The following RCBTB1 variants were observed in gnomAD, a reference collection of about 807,000 sequenced individuals.
RCBTB1 encodes the protein RCC1 and BTB domain containing protein 1, also known as RCC1 and BTB domain-containing protein 1.
Under a neutral mutation model 62.4 loss-of-function variants are expected in RCBTB1, and 46 were observed. The ratio of observed to expected loss-of-function variants is 0.74; its 90% CI spans 0.58 to 0.94. The LOEUF (loss-of-function observed/expected upper bound fraction) is 0.94, where lower values mean the gene tolerates loss of function less well. Among genes scored for constraint, RCBTB1 ranks in the 40% least tolerant of loss-of-function variants. The pLI, the probability that RCBTB1 is intolerant of heterozygous loss-of-function variation, is 0.00. For synonymous variants in RCBTB1, 222 were observed against 245.8 expected (o/e 0.90, Z 0.91); for missense variants, 565 against 654.9 (o/e 0.86, Z 1.50).
rs1959697094 is a variant in RCBTB1 at position 49,533,386 on chromosome 13, T to C, written c.*736A>G. 6.6e-6 allele frequency: 1 copy of C among 152,204 alleles called. No homozygotes were observed. The highest frequency in any genetic ancestry group is 2.4e-5 in the African/African-American group (1 of 41,454). The allele number at this position is 152,204 out of a possible 1,614,324, so 9.4% of individuals were successfully genotyped here. A position where few individuals can be genotyped will look rare whatever the true frequency, so the allele number is the denominator to read the frequency against. ...GTAGTGGAGATTCTAATTTATAAAA[T>C]ATTCACCTTCATCAAATTTCTTTCA... On this transcript the variant is annotated 3_prime_UTR_variant, in exon 13 of 13. Transcript: ENST00000378302.
intron 2 of RCBTB1, among the ~76,000 whole-genome samples, chr13:49,578,954 T>C (rs887245613): frequency 2.6e-5 from 4 of 152,344 alleles, no homozygotes; most frequent in Admixed American, 2.6e-4. Context: ...AACTTTGGTA[T>C]ACAACATTAC....
chr13:49,540,647 T>G (rs1484249144), intron 12 of RCBTB1, among the ~76,000 whole-genome samples: 1 of 152,242 alleles, frequency 6.6e-6, no homozygotes, highest in South Asian at 2.1e-4. Flanking sequence ...TGCTAGGACC[T>G]TGGTTCGTTT....
At chr13:49,572,529 C>A (rs1423471006) in intron 2 of RCBTB1, among the ~76,000 whole-genome samples, 2 of 151,978 alleles carry the variant, frequency 1.3e-5, no homozygotes, top group Admixed American at 1.3e-4. Context: ...AGGCTGGGCA[C>A]GGTGGCTGAC....
chr13:49,559,621 ACTC>A (rs1566244860), intron 5 of RCBTB1, among the ~76,000 whole-genome samples: 1 of 142,196 alleles, frequency 7.0e-6, no homozygotes, highest in Non-Finnish European at 1.5e-5. Flanking sequence ...GTGCCACTGT[ACTC>A]CAGCCTGGGC....
chr13:49,557,047 G>T (rs1459837281), intron 5 of RCBTB1, among the ~76,000 whole-genome samples: 2 of 152,158 alleles, frequency 1.3e-5, no homozygotes, highest in Admixed American at 6.5e-5. Context: ...AGGCCTGTGT[G>T]CTATGCCTGG....
At position 49,549,479 on chromosome 13, in the gene RCBTB1, A is replaced by T; in HGVS notation, c.1024T>A (p.Ser342Thr). 1.9e-6 allele frequency: 3 copies of T among 1,611,566 alleles called. No homozygotes were observed. Among genetic ancestry groups the T allele is most frequent in the Non-Finnish European group, 2.5e-6 (3 of 1,178,072 alleles). Residue 342 changes from serine (S) to threonine (T), a missense_variant, in exon 9 of 13, where the codon TCG (serine) becomes ACG (threonine). Ser to Thr is a moderately conservative substitution (Grantham distance 58, BLOSUM62 1). Transcript: ENST00000378302. ...TTACCCACAGACAGGAGGCGCCACG[A>T]GACGGCGGGAGTGGCAAAGCAGGCA... ...VFACFATPAV[S>T]WRLLSVEHED...
At position 49,584,662 on chromosome 13, in the gene RCBTB1, C is replaced by CA. The variant is rs560388822; in HGVS notation, c.-122+781dup. Among the ~76,000 whole-genome samples the CA allele has an allele frequency of 3.1e-4, 47 of 152,066 alleles. No individual in the cohort carries two copies. In the East Asian group the frequency reaches 6.6e-3, roughly 21 times the overall value. ...GTCCTCTAAGGGCTTTTAGTCCTCC[C>CA]AAAAAAAGAATAGGGCAAAAGCAAG... is the stretch of plus-strand genomic sequence containing the variant. On this transcript the variant is annotated intron_variant, in intron 1 of 12. Transcript: ENST00000378302.
At chr13:49,564,554 C>T (rs1284504380) in intron 4 of RCBTB1, among the ~76,000 whole-genome samples, 1 of 133,478 alleles carries the variant, frequency 7.5e-6, no homozygotes, top group Non-Finnish European at 1.5e-5. Context: ...CACTGCACTC[C>T]AGCCTGGAGA....
Position 49,556,300 on chromosome 13 carries a change from C to T in RCBTB1, c.445-627G>A, listed in dbSNP as rs149743437. Among the ~76,000 whole-genome samples the T allele has an allele frequency of 7.9e-3, 1,184 of 150,584 alleles. 14 individuals carry two copies. The highest frequency in any genetic ancestry group is 0.027 in the African/African-American group (1,114 of 40,948). On this transcript the variant is annotated intron_variant, in intron 5 of 12. Transcript: ENST00000378302. ...CCAGCCCCGCCTCCCGGGTTCATGT[C>T]ATTCTCCTACCTCCCAAGTAGCTGG...
In RCBTB1 at chr13:49,552,293, A is replaced by G. The variant is rs746471811; in HGVS notation, c.604-8T>C. The G allele has an allele frequency of 1.2e-5, 19 of 1,556,896 alleles. No homozygotes were observed. In the African/African-American group the frequency reaches 1.5e-4, roughly 12 times the overall value. On this transcript the variant is annotated splice_polypyrimidine_tract_variant and splice_region_variant and intron_variant, in intron 6 of 12. Transcript: ENST00000378302. ...GTAACCCCAGCCATATACCTTAGAG[A>G]GGACAGAAGGGAGAGAGTGAGATTT...
rs370173763 is a variant in RCBTB1 at position 49,566,622 on chromosome 13, G to A, written c.273C>T (p.Thr91=). ...TTAGATGGGTTCCCTCCTTACCTTC[G>A]GTGCTGAGAAGAACATGTGGTCCAC... ...YGSGPHVLLS[T]EDGVVYAWGH... is the part of the protein sequence containing the mutation. Residue 91 remains threonine, a synonymous_variant, in exon 4 of 13, where the codon ACC becomes ACT. Transcript: ENST00000378302. The A allele has an allele frequency of 7.6e-5, 123 of 1,611,438 alleles. 1 individual carries two copies. The highest frequency in any genetic ancestry group is 9.7e-5 in the Non-Finnish European group (114 of 1,179,296).
chr13:49,561,755 C>CA (rs925860518), intron 4 of RCBTB1, among the ~76,000 whole-genome samples: 36 of 143,390 alleles, frequency 2.5e-4, no homozygotes, highest in East Asian at 1.8e-3. Flanking sequence ...GAAAACCCTA[C>CA]AAAAAAAAAA....
At chr13:49,564,508 C>T (rs1594316851) in intron 4 of RCBTB1, among the ~76,000 whole-genome samples, 1 of 146,238 alleles carries the variant, frequency 6.8e-6, no homozygotes, top group South Asian at 2.2e-4. Context: ...ATCGCTTGAA[C>T]CCAGGAGATG....
chr13:49,573,767 A>G (rs1158512085), intron 2 of RCBTB1, among the ~76,000 whole-genome samples: 1 of 143,248 alleles, frequency 7.0e-6, no homozygotes, highest in Non-Finnish European at 1.5e-5. Context: ...TATTTTTAAA[A>G]TATAGTCCCA....
intron 8 of RCBTB1, among the ~76,000 whole-genome samples, chr13:49,550,171 G>C (rs1211905473): frequency 6.6e-6 from 1 of 152,038 alleles, no homozygotes; most frequent in Non-Finnish European, 1.5e-5. Context: ...TAGAGACAGA[G>C]TCTCGCTATA....
chr13:49,578,111 C>T (rs976870583), intron 2 of RCBTB1, among the ~76,000 whole-genome samples: 35 of 152,178 alleles, frequency 2.3e-4, no homozygotes, highest in African/African-American at 8.4e-4. Flanking sequence ...CTGTGGGGGA[C>T]CGGTTCCAGG....
chr13:49,532,403 G>A lies in RCBTB1; in HGVS notation c.*1719C>T, dbSNP rs573773665. 1.0e-4 allele frequency: 12 copies of A among 119,448 alleles called. No individual in the cohort carries two copies. The highest frequency in any genetic ancestry group is 3.0e-4 in the African/African-American group (11 of 36,212). 7.4% of individuals were successfully genotyped at this position (119,448 alleles called of 1,614,324 possible). ...AAAAAGTTTTCAAGTAAGAGCAATA[G>A]TAAACATACTGAAGTTCACATTTTG... On this transcript the variant is annotated 3_prime_UTR_variant, in exon 13 of 13. Coordinates refer to ENST00000378302, the MANE Select transcript of RCBTB1 (RefSeq NM_018191.4).
chr13:49,567,330 C>T lies in RCBTB1; in HGVS notation c.-41-10G>A. On this transcript the variant is annotated splice_polypyrimidine_tract_variant and intron_variant, in intron 2 of 12. Transcript: ENST00000378302. ...AAATAAGCCGACATCTCTGCTGGAA[C>T]AGAAAGGATTCCAGAAAAAAATTAA... is the stretch of plus-strand genomic sequence containing the variant. The T allele has an allele frequency of 1.3e-6, 2 of 1,582,490 alleles. No homozygotes were observed. The highest frequency in any genetic ancestry group is 1.7e-6 in the Non-Finnish European group (2 of 1,161,926).
chr13:49,584,271 T>C (rs1048246130), intron 1 of RCBTB1, among the ~76,000 whole-genome samples: 1 of 149,740 alleles, frequency 6.7e-6, no homozygotes, highest in Non-Finnish European at 1.5e-5. Context: ...TGCAAAAATC[T>C]CTTTAAAGAT....
Sources: allele counts gnomAD v4.1 joint callset (sites outside exome capture counted in the v4.1 genomes callset), GRCh38; gene constraint gnomAD v4.1.1; transcripts MANE v1.5; gene names NCBI Gene and HGNC (gene_info 2026-07-23, HGNC 2026-07-21).